Variants in PTPRQ observed in about 807,000 individuals in gnomAD.
The protein encoded by PTPRQ is phosphatidylinositol phosphatase PTPRQ.
A neutral mutation model predicts 246.0 loss-of-function variants in PTPRQ; 199 were observed. That is an observed-to-expected ratio of 0.81 (90% CI 0.72 to 0.91). The LOEUF (loss-of-function observed/expected upper bound fraction) is 0.91, where lower values mean the gene tolerates loss of function less well. PTPRQ is among the 40% of genes least tolerant of loss of function. PTPRQ has a pLI of 0.00. For missense variants in PTPRQ, 2,624 were observed against 2,528.4 expected, an observed-to-expected ratio of 1.04 and a Z score of -0.81; for synonymous variants, 869 against 853.2, an observed-to-expected ratio of 1.02 and a Z score of -0.32.
chr12:80,590,616 C>T (rs1437995040), intron 26 of PTPRQ, among the ~76,000 whole-genome samples: 1 of 141,988 alleles, frequency 7.0e-6, no homozygotes, highest in Admixed American at 7.4e-5. Context: ...TGCAGTGAGC[C>T]GAAATCGCAC....
intron 8 of PTPRQ, among the ~76,000 whole-genome samples, chr12:80,479,783 C>A (rs1592560141): frequency 6.6e-6 from 1 of 151,846 alleles, no homozygotes; most frequent in Non-Finnish European, 1.5e-5. Context: ...ACAAAGAAGG[C>A]CATTACATAA....
intron 28 of PTPRQ, 90 bp downstream of exon 28, chr12:80,610,715 T>G: frequency 7.0e-7 from 1 of 1,433,018 alleles, no homozygotes; most frequent in Non-Finnish European, 9.2e-7. Flanking sequence ...AAAGGATATG[T>G]GTTATGAGAA....
intron 33 of PTPRQ, among the ~76,000 whole-genome samples, chr12:80,625,509 G>A (rs1899167345): frequency 6.6e-6 from 1 of 152,134 alleles, no homozygotes; most frequent in South Asian, 2.1e-4. Flanking sequence ...GACCATTGTA[G>A]TGGTAATTAT....
chr12:80,632,255 T>A lies in PTPRQ; in HGVS notation c.5750T>A (p.Ile1917Lys). 6.4e-7 allele frequency: 1 copy of A among 1,551,428 alleles called. No homozygotes were observed. Among genetic ancestry groups the A allele is most frequent in the South Asian group, 1.2e-5 (1 of 84,044 alleles). Reference sequence around the variant, plus strand: ...TCCGTCACTTTGTGTATCCTTTCAATAATTCTCCTTGGAACAGCTATTTTT... The same window carrying A: ...TCCGTCACTTTGTGTATCCTTTCAAAAATTCTCCTTGGAACAGCTATTTTT... The part of the protein sequence containing the change: ...ILSVTLCILS[I>K]ILLGTAIFAF... Residue 1917 changes from isoleucine (I) to lysine (K), a missense_variant, in exon 34 of 45, where the codon ATA (isoleucine) becomes AAA (lysine). By Grantham distance (102) the Ile-to-Lys change is moderately radical (BLOSUM62 -3). Coordinates refer to ENST00000644991, the MANE Select transcript of PTPRQ (RefSeq NM_001145026.2).
intron 17 of PTPRQ, among the ~76,000 whole-genome samples, chr12:80,522,045 T>TG (rs1895511919): frequency 6.6e-6 from 1 of 152,188 alleles, no homozygotes. Flanking sequence ...CATTGAGCAG[T>TG]GGTTTGTAGT....
At chr12:80,486,802 T>A (rs192988058) in intron 9 of PTPRQ, among the ~76,000 whole-genome samples, 40 of 152,250 alleles carry the variant, frequency 2.6e-4, no homozygotes, top group Admixed American at 2.5e-3. Context: ...ACCTCCCCAG[T>A]GTGCAACACA....
intron 35 of PTPRQ, among the ~76,000 whole-genome samples, chr12:80,637,222 T>A (rs961543358): frequency 6.6e-6 from 1 of 152,030 alleles, no homozygotes; most frequent in East Asian, 1.9e-4. Flanking sequence ...AGAATGACTG[T>A]CATGGCAGCT....
chr12:80,569,720 A>G (rs2120950059), intron 25 of PTPRQ, among the ~76,000 whole-genome samples: 1 of 151,854 alleles, frequency 6.6e-6, no homozygotes, highest in South Asian at 2.1e-4. Context: ...TACTCCTCCT[A>G]ATGCTATCCA....
intron 14 of PTPRQ, among the ~76,000 whole-genome samples, chr12:80,504,221 G>A (rs1438830884): frequency 6.6e-6 from 1 of 151,350 alleles, no homozygotes. Flanking sequence ...CTACATTCTT[G>A]ATAATTTCTT....
rs1424903412 is a variant in PTPRQ at position 80,610,579 on chromosome 12, A to G, written c.4872A>G (p.Val1624=). 19 of 1,543,656 alleles carry G rather than the reference A, an allele frequency of 1.2e-5. No homozygotes were observed. Among genetic ancestry groups the G allele is most frequent in the Non-Finnish European group, 1.6e-5 (18 of 1,141,486 alleles). ...CTGGGAACATTAGTGCTGCATATGT[A>G]GAAGGGAAGTCAAGTGCTGAAATGA... ...AFTGNISAAY[V]EGKSSAEMIV... is the part of the protein sequence containing the mutation. Residue 1624 remains valine, a synonymous_variant, in exon 28 of 45, where the codon GTA becomes GTG. Transcript: ENST00000644991.
intron 23 of PTPRQ, among the ~76,000 whole-genome samples, chr12:80,544,080 A>G (rs2056597101): frequency 6.6e-6 from 1 of 152,094 alleles, no homozygotes; most frequent in South Asian, 2.1e-4. Flanking sequence ...GATCTGTAAC[A>G]TAGGCTCTCT....
At position 80,539,889 on chromosome 12, in the gene PTPRQ, A is replaced by G; in HGVS notation, c.3099A>G (p.Ser1033=). The G allele has an allele frequency of 6.5e-7, 1 of 1,549,282 alleles. No homozygotes were observed. Among genetic ancestry groups the G allele is most frequent in the Non-Finnish European group, 8.7e-7 (1 of 1,145,748 alleles). Reference sequence around the variant, plus strand: ...CATTTTGGTTAACAGCAAGTACTTCAGTTGGAAATGGGAATAAAAGCAGTG... The same window carrying G: ...CATTTTGGTTAACAGCAAGTACTTCGGTTGGAAATGGGAATAAAAGCAGTG... ...YYTFWLTAST[S]VGNGNKSSDI... is the part of the protein sequence containing the mutation. The change falls in exon 20 of 45, where the codon TCA becomes TCG. Residue 1033 remains serine, a synonymous_variant. Coordinates refer to ENST00000644991, the MANE Select transcript of PTPRQ (RefSeq NM_001145026.2).
chr12:80,479,977 C>T (rs543474210), intron 8 of PTPRQ, among the ~76,000 whole-genome samples: 1 of 151,752 alleles, frequency 6.6e-6, no homozygotes, highest in African/African-American at 2.4e-5. Context: ...GACAGAAAGT[C>T]AACAAGGATA....
chr12:80,466,184 A>C (rs1893403917), intron 6 of PTPRQ, among the ~76,000 whole-genome samples: 1 of 152,204 alleles, frequency 6.6e-6, no homozygotes, highest in Non-Finnish European at 1.5e-5. Context: ...CAATGTACAA[A>C]AATCATAGGC....
At chr12:80,576,978 T>C (rs1897293265) in intron 25 of PTPRQ, among the ~76,000 whole-genome samples, 1 of 152,220 alleles carries the variant, frequency 6.6e-6, no homozygotes, top group African/African-American at 2.4e-5. Flanking sequence ...CAATTTAGTC[T>C]CCAGGTGTTA....
intron 27 of PTPRQ, among the ~76,000 whole-genome samples, chr12:80,607,915 G>C (rs1025305030): frequency 6.6e-6 from 1 of 150,812 alleles, no homozygotes; most frequent in African/African-American, 2.4e-5. Context: ...ATAAAGCTCT[G>C]CTGTCAGGTA....
At chr12:80,621,754 T>C (rs1899000035) in intron 32 of PTPRQ, among the ~76,000 whole-genome samples, 1 of 152,010 alleles carries the variant, frequency 6.6e-6, no homozygotes, top group Non-Finnish European at 1.5e-5. Flanking sequence ...TATCAAATCA[T>C]TCCATCTAAA....
intron 37 of PTPRQ, among the ~76,000 whole-genome samples, chr12:80,650,031 A>T (rs1176057671): frequency 6.6e-6 from 1 of 152,110 alleles, no homozygotes; most frequent in Non-Finnish European, 1.5e-5. Flanking sequence ...GTAGTTTTAT[A>T]TTTAAGTAAT....
intron 17 of PTPRQ, among the ~76,000 whole-genome samples, chr12:80,520,651 G>A (rs1895450477): frequency 6.6e-6 from 1 of 151,640 alleles, no homozygotes; most frequent in African/African-American, 2.4e-5. Context: ...GAGAATGATG[G>A]TTTCCAGCTT....
Sources: allele counts gnomAD v4.1 joint callset (sites outside exome capture counted in the v4.1 genomes callset), GRCh38; gene constraint gnomAD v4.1.1; transcripts MANE v1.5; gene names NCBI Gene and HGNC (gene_info 2026-07-23, HGNC 2026-07-21).